Variants in STARD13 observed in about 807,000 individuals in gnomAD.
The protein encoded by STARD13 is stAR-related lipid transfer protein 13.
STARD13 carries 62 observed loss-of-function variants against 106.4 expected under a neutral mutation model. That is an observed-to-expected ratio of 0.58 (90% CI 0.48 to 0.72). The LOEUF (loss-of-function observed/expected upper bound fraction) is 0.72, where lower values mean the gene tolerates loss of function less well. Among genes scored for constraint, STARD13 ranks in the 30% least tolerant of loss-of-function variants. The probability of loss-of-function intolerance (pLI) is 0.00; values close to 1 mark genes in which losing one functional copy is unlikely to be tolerated. For synonymous variants in STARD13, 565 were observed against 553.0 expected (o/e 1.02, Z -0.31); for missense variants, 1,387 against 1,424.0 (o/e 0.97, Z 0.42).
intron 1 of STARD13, among the ~76,000 whole-genome samples, chr13:33,274,360 C>T (rs1429398268): frequency 5.3e-5 from 8 of 152,064 alleles, no homozygotes; most frequent in African/African-American, 1.7e-4. Flanking sequence ...GTGAAGATAG[C>T]AAGAAGGCAG....
the STARD13 span, among the ~76,000 whole-genome samples, chr13:33,572,345 T>A: frequency 6.6e-6 from 1 of 152,204 alleles, no homozygotes; most frequent in African/African-American, 2.4e-5. Context: ...AGCCAACTGT[T>A]CGAACCATGT....
downstream of STARD13, among the ~76,000 whole-genome samples, chr13:33,345,446 T>C (rs180746719): frequency 6.2e-4 from 94 of 152,306 alleles, no homozygotes; most frequent in African/African-American, 2.2e-3. Context: ...TGTGGTACAA[T>C]AGGAAATAGG....
intron 1 of STARD13, among the ~76,000 whole-genome samples, chr13:33,253,600 G>A (rs1314988519): frequency 6.6e-6 from 1 of 152,150 alleles, no homozygotes; most frequent in Non-Finnish European, 1.5e-5. Context: ...TGTGAAGGCC[G>A]AGGCTGCCGG....
At chr13:33,639,859 C>G in the STARD13 span, among the ~76,000 whole-genome samples, 1 of 152,216 alleles carries the variant, frequency 6.6e-6, no homozygotes, top group East Asian at 1.9e-4. Flanking sequence ...CATGGAGTCT[C>G]TCTGAATCTA....
chr13:33,341,404 C>T (rs796535009), intron 1 of STARD13, among the ~76,000 whole-genome samples: 9 of 151,968 alleles, frequency 5.9e-5, no homozygotes, highest in African/African-American at 1.7e-4. Context: ...TTTGAGAGGC[C>T]GAGGTGGGCG....
intron 1 of STARD13, chr13:33,206,087 A>G (rs1429262668): frequency 1.2e-6 from 1 of 844,874 alleles, no homozygotes; most frequent in Non-Finnish European, 1.4e-6. Flanking sequence ...CTCTAAGAGA[A>G]AAAAACGAAA....
intron 4 of STARD13, among the ~76,000 whole-genome samples, chr13:33,136,703 T>C (rs923839957): frequency 1.3e-5 from 2 of 152,160 alleles, no homozygotes; most frequent in African/African-American, 4.8e-5. Context: ...CCACCCAACT[T>C]CGGGACCACC....
chr13:33,283,893 A>G (rs4297569), intron 1 of STARD13, among the ~76,000 whole-genome samples: 2,480 of 152,344 alleles, frequency 0.016, 66 homozygotes, highest in African/African-American at 0.055. Flanking sequence ...AAATTATTGT[A>G]AATACATCTA....
intron 1 of STARD13, among the ~76,000 whole-genome samples, chr13:33,232,204 T>C (rs1321306776): frequency 2.0e-5 from 3 of 152,032 alleles, no homozygotes; most frequent in African/African-American, 7.3e-5. Context: ...TCCCAGCTAC[T>C]TGGTAGGCTG....
chr13:33,350,260 C>G (rs1298407283), intron 1 of STARD13: 7 of 1,516,478 alleles, frequency 4.6e-6, no homozygotes, highest in Non-Finnish European at 6.2e-6. Flanking sequence ...CCCCCGCCCC[C>G]GTGGGTCGCG....
At chr13:33,584,392 A>G in the STARD13 span, among the ~76,000 whole-genome samples, 1 of 152,052 alleles carries the variant, frequency 6.6e-6, no homozygotes, top group Non-Finnish European at 1.5e-5. Flanking sequence ...GAGAGAGGGT[A>G]CCACACACTT....
intron 3 of STARD13, among the ~76,000 whole-genome samples, chr13:33,150,140 G>T (rs573053138): frequency 6.6e-6 from 1 of 152,094 alleles, no homozygotes; most frequent in Admixed American, 6.5e-5. Context: ...TGATAGGCTC[G>T]GTAGGCTTTT....
At chr13:33,342,533 G>GTT (rs1317679388) in intron 1 of STARD13, among the ~76,000 whole-genome samples, 2 of 138,784 alleles carry the variant, frequency 1.4e-5, no homozygotes, top group East Asian at 2.0e-4. Flanking sequence ...TTTATAGTTT[G>GTT]TTTTTTTTTT....
At chr13:33,165,216 G>A in intron 3 of STARD13, 121 bp downstream of exon 3, 2 of 771,490 alleles carry the variant, frequency 2.6e-6, no homozygotes, top group Non-Finnish European at 4.6e-6. Context: ...CTGCACCTGG[G>A]TCAGGCACAT....
At chr13:33,575,723 T>C in the STARD13 span, among the ~76,000 whole-genome samples, 1 of 152,146 alleles carries the variant, frequency 6.6e-6, no homozygotes, top group Non-Finnish European at 1.5e-5. Context: ...GCTTCCCCTT[T>C]GGTCTCTGTG....
the STARD13 span, among the ~76,000 whole-genome samples, chr13:33,368,976 G>C: frequency 9.2e-5 from 14 of 152,158 alleles, no homozygotes; most frequent in African/African-American, 3.1e-4. Flanking sequence ...TTGGAGCCCA[G>C]GTGAGCTGCA....
At chr13:33,467,733 C>A in the STARD13 span, among the ~76,000 whole-genome samples, 1 of 152,132 alleles carries the variant, frequency 6.6e-6, no homozygotes, top group Admixed American at 6.5e-5. Context: ...ACCTGTACTA[C>A]CTATCTTAAC....
At chr13:33,120,736 C>T (rs150405225) in intron 7 of STARD13, among the ~76,000 whole-genome samples, 1 of 151,758 alleles carries the variant, frequency 6.6e-6, no homozygotes, top group African/African-American at 2.4e-5. Context: ...TATTGATGAG[C>T]TGATGATTGA....
the STARD13 span, among the ~76,000 whole-genome samples, chr13:33,425,599 G>A: frequency 6.6e-6 from 1 of 152,310 alleles, no homozygotes; most frequent in East Asian, 1.9e-4. Context: ...TGAAAACCAG[G>A]ACTGGACACT....
Sources: allele counts gnomAD v4.1 joint callset (sites outside exome capture counted in the v4.1 genomes callset), GRCh38; gene constraint gnomAD v4.1.1; transcripts MANE v1.5; gene names NCBI Gene and HGNC (gene_info 2026-07-23, HGNC 2026-07-21).